RGS8: variants seen among roughly 807,000 people sequenced by gnomAD.
RGS8 encodes the protein regulator of G protein signaling 8, also known as regulator of G-protein signaling 8.
A neutral mutation model predicts 21.7 loss-of-function variants in RGS8; 8 were observed. The ratio of observed to expected loss-of-function variants is 0.37; its 90% CI spans 0.22 to 0.66. RGS8 has a LOEUF of 0.66. Among genes scored for constraint, RGS8 ranks in the 30% least tolerant of loss-of-function variants. RGS8 has a pLI of 0.59. For missense variants in RGS8, 157 were observed against 217.9 expected (o/e 0.72, Z 1.76); for synonymous variants, 80 against 83.6 (o/e 0.96, Z 0.24).
At chr1:182,733,874 A>C in the RGS8 span, 1 of 148,892 alleles carries the variant, frequency 6.7e-6, no homozygotes, top group East Asian at 1.9e-4. Flanking sequence ...CTAGATACCA[A>C]GTTATTTATT....
chr1:182,744,561 A>G, the RGS8 span, among the ~76,000 whole-genome samples: 6 of 152,234 alleles, frequency 3.9e-5, no homozygotes, highest in Admixed American at 2.6e-4. Context: ...TGACATAGCC[A>G]TTGTAACGTT....
At chr1:182,750,857 A>G in the RGS8 span, among the ~76,000 whole-genome samples, 1 of 151,492 alleles carries the variant, frequency 6.6e-6, no homozygotes, top group African/African-American at 2.4e-5. Flanking sequence ...ATGTAGGTAT[A>G]TAAATAAACA....
chr1:182,707,245 G>C, the RGS8 span, among the ~76,000 whole-genome samples: 1 of 152,188 alleles, frequency 6.6e-6, no homozygotes, highest in Non-Finnish European at 1.5e-5. Context: ...TGTAATAGTA[G>C]CCTAATGGAA....
upstream of RGS8, among the ~76,000 whole-genome samples, chr1:182,688,789 G>A (rs1664759527): frequency 6.6e-6 from 1 of 152,180 alleles, no homozygotes; most frequent in African/African-American, 2.4e-5. Flanking sequence ...AGAAGCTGGA[G>A]ACCAACCCAG....
the RGS8 span, among the ~76,000 whole-genome samples, chr1:182,722,307 T>C: frequency 6.8e-6 from 1 of 146,340 alleles, no homozygotes; most frequent in African/African-American, 2.6e-5. Flanking sequence ...TTGTTATCCA[T>C]TGCTGCCTCA....
chr1:182,652,841 A>G (rs759636564), intron 5 of RGS8, among the ~76,000 whole-genome samples: 14 of 152,146 alleles, frequency 9.2e-5, no homozygotes, highest in Non-Finnish European at 1.8e-4. Context: ...CTTAGCTGAC[A>G]TGGGAGGTAG....
the RGS8 span, among the ~76,000 whole-genome samples, chr1:182,712,320 G>T: frequency 6.6e-6 from 1 of 152,170 alleles, no homozygotes; most frequent in Admixed American, 6.5e-5. Flanking sequence ...CAGCTACTTG[G>T]ATGTCAATCC....
At chr1:182,680,171 A>G (rs1301855120) in intron 1 of RGS8, among the ~76,000 whole-genome samples, 2 of 152,108 alleles carry the variant, frequency 1.3e-5, no homozygotes, top group Middle Eastern at 3.2e-3. Context: ...AGTCACAAAC[A>G]TGACTGCATT....
At chr1:182,661,002 T>C (rs1244703732) in intron 5 of RGS8, among the ~76,000 whole-genome samples, 2 of 151,948 alleles carry the variant, frequency 1.3e-5, no homozygotes, top group Non-Finnish European at 2.9e-5. Flanking sequence ...AGCCTGACTG[T>C]TCAACTGTAT....
At chr1:182,669,838 G>A (rs752236024) in intron 2 of RGS8, 86 bp from the exon 4 acceptor site, 228 of 1,396,918 alleles carry the variant, frequency 1.6e-4, no homozygotes, top group South Asian at 3.7e-4. Context: ...TTCCGCCAGC[G>A]GAACACCTCC....
At chr1:182,696,286 C>T in the RGS8 span, among the ~76,000 whole-genome samples, 1 of 152,326 alleles carries the variant, frequency 6.6e-6, no homozygotes, top group African/African-American at 2.4e-5. Flanking sequence ...TGCTCCAAAC[C>T]TAGTCTCTGT....
At chr1:182,656,665 T>G (rs1425817465) in intron 5 of RGS8, among the ~76,000 whole-genome samples, 3 of 151,510 alleles carry the variant, frequency 2.0e-5, no homozygotes, top group Non-Finnish European at 4.4e-5. Flanking sequence ...TCAGAAAGAG[T>G]GAGAGGAAAA....
intron 6 of RGS8, 33 bp from the exon 8 acceptor site, chr1:182,646,950 C>T (rs202076931): frequency 4.8e-5 from 76 of 1,574,164 alleles, no homozygotes; most frequent in Non-Finnish European, 6.3e-5. Context: ...AGGTCACAGG[C>T]CCTCAAGGGC....
At chr1:182,712,613 C>T in the RGS8 span, among the ~76,000 whole-genome samples, 1 of 152,184 alleles carries the variant, frequency 6.6e-6, no homozygotes. Context: ...AAACAATACC[C>T]TTTAGGATGT....
the RGS8 span, among the ~76,000 whole-genome samples, chr1:182,740,830 G>A: frequency 1.3e-5 from 2 of 151,992 alleles, no homozygotes; most frequent in Non-Finnish European, 2.9e-5. Flanking sequence ...ATTCAACCCT[G>A]AGTGGATACA....
rs146197192 is a variant in RGS8, at chr1:182,652,786, C to A, written c.194-4483G>T. Reference sequence around the variant, plus strand: ...GAAGGACCCAGGAGGGGTGCCTTTGCCGGCCCTGAGGAGGGAAGGGAAGAG... The same window carrying A: ...GAAGGACCCAGGAGGGGTGCCTTTGACGGCCCTGAGGAGGGAAGGGAAGAG... On this transcript the variant is annotated intron_variant, in intron 5 of 6. Coordinates refer to ENST00000483095, the Ensembl canonical transcript of RGS8. Among the ~76,000 whole-genome samples the A allele has an allele frequency of 2.5e-4, 38 of 152,176 alleles. 1 individual carries two copies. Among genetic ancestry groups the A allele is most frequent in the African/African-American group, 8.4e-4 (35 of 41,510 alleles).
the RGS8 span, among the ~76,000 whole-genome samples, chr1:182,723,776 T>C: frequency 6.6e-6 from 1 of 152,156 alleles, no homozygotes; most frequent in East Asian, 1.9e-4. Flanking sequence ...GTATATAAAT[T>C]GTTCCTTTGT....
At chr1:182,719,572 A>C in the RGS8 span, among the ~76,000 whole-genome samples, 40 of 151,120 alleles carry the variant, frequency 2.6e-4, no homozygotes, top group African/African-American at 9.5e-4. Flanking sequence ...GTGCGACTAC[A>C]GGCGCATACC....
At chr1:182,671,794 A>T in intron 1 of RGS8, 64 bp from the exon 3 acceptor site, 2 of 1,608,504 alleles carry the variant, frequency 1.2e-6, no homozygotes, top group Admixed American at 1.7e-5. Context: ...GCATGTGTGC[A>T]TGAACACATA....
Sources: allele counts gnomAD v4.1 joint callset (sites outside exome capture counted in the v4.1 genomes callset), GRCh38; gene constraint gnomAD v4.1.1; transcripts MANE v1.5; gene names NCBI Gene and HGNC (gene_info 2026-07-23, HGNC 2026-07-21).